Variants in MED27 observed in about 807,000 individuals in gnomAD.
MED27 encodes mediator complex subunit 27, also known as mediator of RNA polymerase II transcription subunit 27.
In MED27, 30 loss-of-function variants were observed where a neutral mutation model predicts 38.2. The ratio of observed to expected loss-of-function variants is 0.79; its 90% CI spans 0.59 to 1.07. The LOEUF is 1.07. Ranked by LOEUF, MED27 falls within the 50% of genes least tolerant of loss-of-function variation. The pLI is 0.00. For synonymous variants in MED27, 122 were observed against 153.5 expected (o/e 0.79, Z 1.52); for missense variants, 289 against 397.5 (o/e 0.73, Z 2.32).
At chr9:132,079,550 G>T in intron 1 of MED27, 92 bp downstream of exon 1, 1 of 1,199,168 alleles carries the variant, frequency 8.3e-7, no homozygotes, top group Non-Finnish European at 1.2e-6. Context: ...GGGAAACGGA[G>T]AACAGCCCCT....
chr9:131,997,568 C>T lies in MED27; in HGVS notation c.479+16769G>A, dbSNP rs1053997774. 2.0e-5 allele frequency among the ~76,000 whole-genome samples: 3 copies of T among 152,228 alleles called. No homozygotes were observed. Among genetic ancestry groups the T allele is most frequent in the South Asian group, 2.1e-4 (1 of 4,836 alleles). On this transcript the variant is annotated intron_variant, in intron 3 of 7. Transcript: ENST00000292035. The surrounding 1 kb of genome is among the most constrained non-coding windows in gnomAD (Gnocchi z 4.0). ...GCTGCCATCTCCCCCAGCAGTCCTGCTTCCTCCCACTTTCTTTCACAGGGG... is the reference window on the plus strand; with the variant it reads ...GCTGCCATCTCCCCCAGCAGTCCTGTTTCCTCCCACTTTCTTTCACAGGGG...
chr9:131,900,956 AG>A (rs1237986536), intron 4 of MED27, among the ~76,000 whole-genome samples: 3 of 146,376 alleles, frequency 2.0e-5, no homozygotes, highest in Non-Finnish European at 3.0e-5. Context: ...AGAGAAAAAG[AG>A]GGTAAGGGAG....
chr9:131,904,236 G>T (rs1393791203), intron 4 of MED27, among the ~76,000 whole-genome samples: 1 of 151,550 alleles, frequency 6.6e-6, no homozygotes, highest in Non-Finnish European at 1.5e-5. Context: ...ATGGGGTTTT[G>T]CCATGTTGCC....
intron 3 of MED27, among the ~76,000 whole-genome samples, chr9:131,951,403 C>T (rs1030108771): frequency 6.6e-6 from 1 of 152,228 alleles, no homozygotes; most frequent in Non-Finnish European, 1.5e-5. Flanking sequence ...TGCCATCAGC[C>T]CCCAGCACAC....
intron 2 of MED27, among the ~76,000 whole-genome samples, chr9:132,030,688 T>C (rs190726346): frequency 1.8e-4 from 27 of 152,342 alleles, no homozygotes; most frequent in Middle Eastern, 6.8e-3. Context: ...AATGTGCTTT[T>C]TGAAATACAA....
chr9:131,869,186 T>C (rs1263740408), intron 6 of MED27: 10 of 985,340 alleles, frequency 1.0e-5, no homozygotes, highest in Non-Finnish European at 1.2e-5. Flanking sequence ...GAACTCGCCA[T>C]GTTTTCCCTC....
intron 3 of MED27, among the ~76,000 whole-genome samples, chr9:131,986,820 A>T (rs1236626351): frequency 6.6e-6 from 1 of 152,162 alleles, no homozygotes; most frequent in Non-Finnish European, 1.5e-5. Context: ...TTCTCATCAG[A>T]ATGTAAGCTA....
intron 6 of MED27, among the ~76,000 whole-genome samples, chr9:131,871,528 C>A (rs1363268076): frequency 5.3e-5 from 8 of 152,162 alleles, no homozygotes; most frequent in Admixed American, 5.2e-4. Flanking sequence ...GGTACAGGAA[C>A]AACGGCACCA....
chr9:131,920,345 C>A (rs1386112191), intron 4 of MED27, among the ~76,000 whole-genome samples: 1 of 152,194 alleles, frequency 6.6e-6, no homozygotes, highest in Non-Finnish European at 1.5e-5. Flanking sequence ...AATAATATAT[C>A]ATTCCCTAAT....
intron 2 of MED27, among the ~76,000 whole-genome samples, chr9:132,015,649 GA>G (rs1437427500): frequency 1.3e-5 from 2 of 152,096 alleles, no homozygotes; most frequent in African/African-American, 4.8e-5. Flanking sequence ...CTAACATCAG[GA>G]AATTCTGATT....
chr9:132,016,841 TCAAA>T (rs375612243), intron 2 of MED27, among the ~76,000 whole-genome samples: 27 of 152,238 alleles, frequency 1.8e-4, no homozygotes, highest in South Asian at 1.7e-3. Context: ...GATCATTTGC[TCAAA>T]CAAACAAACA....
chr9:132,006,885 G>C (rs987100681), intron 3 of MED27, among the ~76,000 whole-genome samples: 30 of 152,070 alleles, frequency 2.0e-4, no homozygotes, highest in African/African-American at 6.0e-4. Context: ...TTTACATCAA[G>C]CAAAAAACAA....
intron 6 of MED27, among the ~76,000 whole-genome samples, 156 bp from the exon 7 acceptor site, chr9:131,863,296 C>T (rs1318028526): frequency 6.6e-6 from 1 of 152,204 alleles, no homozygotes; most frequent in East Asian, 1.9e-4. Context: ...AATTAGTTAG[C>T]AGAGTTGGGG....
At chr9:131,931,811 T>C (rs571251310) in intron 4 of MED27, among the ~76,000 whole-genome samples, 54 of 152,186 alleles carry the variant, frequency 3.5e-4, no homozygotes, top group African/African-American at 1.3e-3. Context: ...AATATCACAA[T>C]TGGAAATATA....
At chr9:131,923,004 G>A (rs1479727089) in intron 4 of MED27, among the ~76,000 whole-genome samples, 3 of 152,112 alleles carry the variant, frequency 2.0e-5, no homozygotes, top group African/African-American at 4.8e-5. Context: ...TCCTGCTCCT[G>A]TTCTGGAATC....
chr9:132,058,083 G>A (rs1273010427), intron 2 of MED27, among the ~76,000 whole-genome samples: 1 of 152,124 alleles, frequency 6.6e-6, no homozygotes, highest in Non-Finnish European at 1.5e-5. Flanking sequence ...ATGAGGCTTG[G>A]CCACCACTTT....
At chr9:131,960,698 G>A (rs963122066) in intron 3 of MED27, among the ~76,000 whole-genome samples, 5 of 152,178 alleles carry the variant, frequency 3.3e-5, no homozygotes, top group African/African-American at 4.8e-5. Flanking sequence ...ACAAATTGGA[G>A]CGTATGTACA....
chr9:131,996,871 G>A (rs988448585), intron 3 of MED27, among the ~76,000 whole-genome samples: 13 of 152,196 alleles, frequency 8.5e-5, no homozygotes, highest in African/African-American at 3.1e-4. Flanking sequence ...TTTTCTTAAT[G>A]ACATATTCTT....
chr9:131,986,723 G>A (rs962599527), intron 3 of MED27, among the ~76,000 whole-genome samples: 15 of 152,118 alleles, frequency 9.9e-5, no homozygotes, highest in African/African-American at 3.6e-4. Context: ...GCCTAATGAT[G>A]CATGACTGTA....
Sources: gnomAD v4.1 joint callset for allele counts (sites outside exome capture counted in the v4.1 genomes callset) on GRCh38, gnomAD v4.1.1 for gene constraint, Gnocchi (gnomAD v3.1) non-coding constraint, MANE v1.5 for transcripts, NCBI Gene and HGNC (gene_info 2026-07-23, HGNC 2026-07-21) for gene names.